Variants in CNTLN observed in about 807,000 individuals in gnomAD.
CNTLN encodes the protein centlein.
Under a neutral mutation model 180.0 loss-of-function variants are expected in CNTLN, and 212 were observed. That is an observed-to-expected ratio of 1.18 (90% CI 1.05 to 1.32). CNTLN has a LOEUF of 1.32. Among genes scored for constraint, CNTLN ranks in the 40% most tolerant of loss-of-function variants. The pLI is 0.00. For synonymous variants in CNTLN, 722 were observed against 563.1 expected, an observed-to-expected ratio of 1.28 and a Z score of -3.99; for missense variants, 2,095 against 1,610.9, an observed-to-expected ratio of 1.30 and a Z score of -5.14.
intron 23 of CNTLN, among the ~76,000 whole-genome samples, chr9:17,469,289 C>T (rs1482326955): frequency 6.6e-6 from 1 of 151,782 alleles, no homozygotes; most frequent in Non-Finnish European, 1.5e-5. Flanking sequence ...TAACTCATGA[C>T]TTCCAATGGC....
At position 17,446,366 on chromosome 9, in the gene CNTLN, A is replaced by C. The variant is rs374784054; in HGVS notation, c.3115-11158A>C. Among the ~76,000 whole-genome samples the C allele has an allele frequency of 7.9e-5, 12 of 152,302 alleles. No individual in the cohort carries two copies. The East Asian group carries it at 1.5e-3, about 20-fold the overall frequency. On this transcript the variant is annotated intron_variant, in intron 18 of 25. Coordinates refer to ENST00000380647, the MANE Select transcript of CNTLN (RefSeq NM_017738.4). ...AAAATATTTCCGTTTTTAAGTATTA[A>C]GATGTAATTCATATTTAGGATATAT...
chr9:17,461,281 T>G (rs554074346), intron 19 of CNTLN, among the ~76,000 whole-genome samples: 1 of 151,628 alleles, frequency 6.6e-6, no homozygotes, highest in African/African-American at 2.4e-5. Flanking sequence ...AATTGAAAAT[T>G]AATGATTGAA....
At chr9:17,525,651 T>A in the CNTLN span, among the ~76,000 whole-genome samples, 1 of 152,092 alleles carries the variant, frequency 6.6e-6, no homozygotes, top group Non-Finnish European at 1.5e-5. Context: ...ATAATAAATA[T>A]CCTTTTAAAA....
intron 12 of CNTLN, among the ~76,000 whole-genome samples, chr9:17,348,690 G>A (rs10810769): frequency 6.6e-6 from 1 of 151,118 alleles, no homozygotes; most frequent in Non-Finnish European, 1.5e-5. Context: ...GTCACCACGC[G>A]GGGCAAATTT....
At chr9:17,323,687 A>G (rs1244094866) in intron 8 of CNTLN, among the ~76,000 whole-genome samples, 1 of 152,230 alleles carries the variant, frequency 6.6e-6, no homozygotes, top group African/African-American at 2.4e-5. Context: ...ATTATAAATA[A>G]TTGTAACAGA....
intron 13 of CNTLN, among the ~76,000 whole-genome samples, chr9:17,368,586 C>T (rs1398351032): frequency 6.6e-6 from 1 of 152,118 alleles, no homozygotes; most frequent in Admixed American, 6.5e-5. Context: ...CCAGCATAGT[C>T]CCAGTGGTGG....
At chr9:17,176,432 T>C (rs1395806815) in intron 2 of CNTLN, among the ~76,000 whole-genome samples, 2 of 152,216 alleles carry the variant, frequency 1.3e-5, no homozygotes, top group Non-Finnish European at 2.9e-5. Flanking sequence ...CTTTGCCTAC[T>C]GGAATAAATT....
intron 10 of CNTLN, among the ~76,000 whole-genome samples, chr9:17,334,174 C>G (rs189213807): frequency 6.6e-6 from 1 of 152,232 alleles, no homozygotes; most frequent in Admixed American, 6.5e-5. Context: ...ATTCTTCTGT[C>G]TCAGCCCCCC....
intron 23 of CNTLN, among the ~76,000 whole-genome samples, chr9:17,483,370 T>A (rs1161818976): frequency 6.6e-6 from 1 of 152,198 alleles, no homozygotes. Flanking sequence ...ATATTAGTGC[T>A]ATCTTGGATG....
At chr9:17,296,919 G>C (rs775521935) in intron 6 of CNTLN, among the ~76,000 whole-genome samples, 1 of 152,102 alleles carries the variant, frequency 6.6e-6, no homozygotes, top group Admixed American at 6.5e-5. Flanking sequence ...AACTGTCTCC[G>C]TATCTCTTTT....
rs4961538 is a variant in CNTLN at position 17,335,834 on chromosome 9, C to T, written c.1644+3104C>T. Reference sequence around the variant, plus strand: ...GTGCACACCTGTAATCCCAGCTACTCAGTAGGCTGAGGGATGAGAATCGCT... The same window carrying T: ...GTGCACACCTGTAATCCCAGCTACTTAGTAGGCTGAGGGATGAGAATCGCT... On this transcript the variant is annotated intron_variant, in intron 10 of 25. Coordinates refer to ENST00000380647, the MANE Select transcript of CNTLN (RefSeq NM_017738.4). 3.6e-3 allele frequency among the ~76,000 whole-genome samples: 550 copies of T among 150,724 alleles called. 13 individuals carry two copies. The highest frequency in any genetic ancestry group is 0.03 in the Admixed American group (445 of 15,018).
intron 23 of CNTLN, among the ~76,000 whole-genome samples, chr9:17,483,370 T>C (rs1161818976): frequency 6.6e-6 from 1 of 152,198 alleles, no homozygotes; most frequent in Admixed American, 6.5e-5. Context: ...ATATTAGTGC[T>C]ATCTTGGATG....
At chr9:17,373,862 G>A (rs779527327) in intron 13 of CNTLN, among the ~76,000 whole-genome samples, 117 of 152,192 alleles carry the variant, frequency 7.7e-4, no homozygotes, top group Non-Finnish European at 1.4e-3. Flanking sequence ...ACATACATTG[G>A]GAAAAGGACA....
intron 18 of CNTLN, among the ~76,000 whole-genome samples, chr9:17,420,434 A>T (rs1305934756): frequency 6.6e-6 from 1 of 151,666 alleles, no homozygotes; most frequent in African/African-American, 2.4e-5. Context: ...CTCTGATATT[A>T]TTTGTCTTCT....
intron 12 of CNTLN, among the ~76,000 whole-genome samples, chr9:17,348,153 C>G (rs1822064562): frequency 6.6e-6 from 1 of 152,038 alleles, no homozygotes; most frequent in Non-Finnish European, 1.5e-5. Flanking sequence ...TGATAACGCA[C>G]TGAGTATGTC....
chr9:17,139,494 C>T (rs1377573773), intron 1 of CNTLN, among the ~76,000 whole-genome samples: 3 of 151,910 alleles, frequency 2.0e-5, no homozygotes, highest in African/African-American at 7.2e-5. Context: ...AACCCAGTCT[C>T]TACTAAAATA....
chr9:17,414,169 G>T (rs1165105752), intron 16 of CNTLN, among the ~76,000 whole-genome samples: 1 of 152,168 alleles, frequency 6.6e-6, no homozygotes, highest in Non-Finnish European at 1.5e-5. Context: ...GGTCACAAGG[G>T]ATTGTCAGTT....
At chr9:17,473,753 C>T (rs1386531521) in intron 23 of CNTLN, among the ~76,000 whole-genome samples, 1 of 152,136 alleles carries the variant, frequency 6.6e-6, no homozygotes, top group Non-Finnish European at 1.5e-5. Flanking sequence ...GAACCTTCTC[C>T]AATTAGGCTT....
At chr9:17,510,968 G>C in the CNTLN span, among the ~76,000 whole-genome samples, 1 of 152,192 alleles carries the variant, frequency 6.6e-6, no homozygotes, top group South Asian at 2.1e-4. Flanking sequence ...TTCTAGGGTA[G>C]CTATAACACT....
Sources: allele counts gnomAD v4.1 joint callset (sites outside exome capture counted in the v4.1 genomes callset), GRCh38; gene constraint gnomAD v4.1.1; transcripts MANE v1.5; gene names NCBI Gene and HGNC (gene_info 2026-07-23, HGNC 2026-07-21).